MED14: variants seen among roughly 807,000 people sequenced by gnomAD.
The protein encoded by MED14 is mediator complex subunit 14, also known as mediator of RNA polymerase II transcription subunit 14.
MED14 carries 8 observed loss-of-function variants against 109.0 expected under a neutral mutation model. The observed-to-expected ratio is 0.07, with a 90% CI of 0.04 to 0.13. MED14 has a LOEUF of 0.13. Among genes scored for constraint, MED14 ranks in the 10% least tolerant of loss-of-function variants. The pLI is 1.00. For synonymous variants in MED14, 399 were observed against 408.7 expected (o/e 0.98, Z 0.29); for missense variants, 711 against 1,142.4 (o/e 0.62, Z 5.44).
intron 16 of MED14, 62 bp from the exon 17 acceptor site, chrX:40,683,058 G>GAC: frequency 1.0e-6 from 1 of 977,462 alleles, no homozygotes. Flanking sequence ...TGTACACAAT[G>GAC]ACAGACAAGG....
chrX:40,696,428 C>T (rs764589397), intron 13 of MED14, among the ~76,000 whole-genome samples: 1 of 110,728 alleles, frequency 9.0e-6, no homozygotes, highest in African/African-American at 3.3e-5. Context: ...TGTGAGCCAC[C>T]GTGCCTGGCC....
At position 40,726,797 on chromosome X, in the gene MED14, T is replaced by C; in HGVS notation, c.297A>G (p.Leu99=). Residue 99 remains leucine (L), a synonymous_variant, in exon 3 of 31, where the codon TTA becomes TTG. Coordinates refer to ENST00000324817, the MANE Select transcript of MED14 (RefSeq NM_004229.4). ...TATTAGCCCATTTCACTAAAGCTAA[T>C]AATCGAACGAAGAGTTGGCGTGTCC... is the stretch of plus-strand genomic sequence containing the variant. ...ASRTRQLFVR[L]LALVKWANNA... The C allele has an allele frequency of 8.3e-7, 1 of 1,209,623 alleles. No individual in the cohort carries two copies. The highest frequency in any genetic ancestry group is 1.1e-6 in the Non-Finnish European group (1 of 894,528).
chrX:40,734,077 ATT>A (rs1052380022), intron 1 of MED14, among the ~76,000 whole-genome samples: 1 of 111,645 alleles, frequency 9.0e-6, no homozygotes, highest in African/African-American at 3.3e-5. Context: ...AGTTTTCAAC[ATT>A]TTTTTTCCCA....
At chrX:40,694,742 T>C (rs149334982) in intron 13 of MED14, among the ~76,000 whole-genome samples, 13 of 112,316 alleles carry the variant, frequency 1.2e-4, no homozygotes, top group African/African-American at 3.9e-4. Flanking sequence ...CTCTCATATA[T>C]TGCTGGCTGG....
At chrX:40,660,160 TAG>T (rs1929210758) in intron 26 of MED14, among the ~76,000 whole-genome samples, 1 of 111,972 alleles carries the variant, frequency 8.9e-6, no homozygotes, top group Non-Finnish European at 1.9e-5. Flanking sequence ...CTATACTTTT[TAG>T]AGACATATGC....
intron 21 of MED14, among the ~76,000 whole-genome samples, chrX:40,675,946 C>T (rs1246883268): frequency 2.7e-5 from 3 of 111,923 alleles, no homozygotes; most frequent in Non-Finnish European, 5.6e-5. Context: ...CCCCAGTATT[C>T]GAATATACAC....
chrX:40,688,674 C>G (rs977242788), intron 15 of MED14, 144 bp from the exon 16 acceptor site: 2 of 399,302 alleles, frequency 5.0e-6, no homozygotes, highest in Admixed American at 8.1e-5. Flanking sequence ...TGAGTATTAT[C>G]CCCATCATTA....
chrX:40,736,143 G>A (rs1380603770), upstream of MED14, among the ~76,000 whole-genome samples: 1 of 111,740 alleles, frequency 8.9e-6, no homozygotes, highest in Non-Finnish European at 1.9e-5. Context: ...GCGCGCTTGT[G>A]ATTCTCAGGC....
Position 40,654,996 on chromosome X carries a change from G to A in MED14, c.4037C>T (p.Ala1346Val), listed in dbSNP as rs1929005193. 1.7e-6 allele frequency: 2 copies of A among 1,208,803 alleles called. No homozygotes were observed. The highest frequency in any genetic ancestry group is 1.8e-5 in the African/African-American group (1 of 57,069). Residue 1346 changes from alanine to valine, a missense_variant, in exon 29 of 31, where the codon GCG becomes GTG. Physicochemically the swap from Ala to Val is moderately conservative, Grantham distance 64. Coordinates refer to ENST00000324817, the MANE Select transcript of MED14 (RefSeq NM_004229.4). Reference protein sequence around the residue: ...VQFCLTIPPSAPPIAPPGTPA... With the variant: ...VQFCLTIPPSVPPIAPPGTPA... ...CGTCCCAGGAGGTGCAATCGGCGGC[G>A]CGCTGGGAGGGATCGTCAGGCAAAA...
chrX:40,712,920 T>C lies in MED14; in HGVS notation c.775A>G (p.Thr259Ala), dbSNP rs1484671226. The C allele has an allele frequency of 1.0e-5, 12 of 1,169,428 alleles. No individual in the cohort carries two copies. Among genetic ancestry groups the C allele is most frequent in the Non-Finnish European group, 1.3e-5 (11 of 868,997 alleles). Residue 259 changes from threonine (T) to alanine (A), a missense_variant, in exon 6 of 31, where the codon ACA becomes GCA. By Grantham distance (58) the Thr-to-Ala change is moderately conservative. Transcript: ENST00000324817. ...KLEILVEDKETGDGRALVHSM... is the reference protein window; with the variant it reads ...KLEILVEDKEAGDGRALVHSM... ...ATCACTACTTATGATTTACCTCCTG[T>C]TTCCTTATCCTCAACTAGAATTTCT...
chrX:40,708,061 T>C (rs1931216208), intron 10 of MED14, among the ~76,000 whole-genome samples: 1 of 110,820 alleles, frequency 9.0e-6, no homozygotes, highest in Non-Finnish European at 1.9e-5. Context: ...GAGGGCCTTC[T>C]ACTGAAGCTT....
chrX:40,681,842 TC>T lies in MED14; in HGVS notation c.2457+9del. 1.0e-6 allele frequency: 1 copy of T among 995,780 alleles called. No individual in the cohort carries two copies. The highest frequency in any genetic ancestry group is 1.4e-6 in the Non-Finnish European group (1 of 733,389). 82.1% of individuals were successfully genotyped at this position (995,780 alleles called of 1,213,427 possible). Reference sequence around the variant, plus strand: ...TAAGACAGGAACTTCAGCATTTTAATCAGACTTACTGAGCTTCCCTTGGTGG... The same window carrying T: ...TAAGACAGGAACTTCAGCATTTTAATAGACTTACTGAGCTTCCCTTGGTGG... On this transcript the variant is annotated intron_variant, in intron 19 of 30. Coordinates refer to ENST00000324817, the MANE Select transcript of MED14 (RefSeq NM_004229.4).
chrX:40,668,407 CAA>C (rs1301154358), intron 23 of MED14, among the ~76,000 whole-genome samples: 1 of 77,616 alleles, frequency 1.3e-5, no homozygotes. Context: ...AAAAAAAAAT[CAA>C]AGAAAAAAGA....
At chrX:40,676,449 A>C (rs1929912574) in intron 21 of MED14, among the ~76,000 whole-genome samples, 2 of 112,354 alleles carry the variant, frequency 1.8e-5, no homozygotes, top group East Asian at 2.8e-4. Context: ...GGAGGCTGCA[A>C]AGCAGATGGC....
In MED14 at chrX:40,698,662, A is replaced by G. The variant is rs151158626; in HGVS notation, c.1491-1479T>C. ...TAAAAAAGTAATCACATGAACAAAT[A>G]GATGCTCAACATCATTATTTGTTGG... On this transcript the variant is annotated intron_variant, in intron 12 of 30. Transcript: ENST00000324817. Among the ~76,000 whole-genome samples the G allele has an allele frequency of 4.9e-3, 553 of 112,352 alleles. 3 individuals are homozygous for G. Among genetic ancestry groups the G allele is most frequent in the African/African-American group, 0.017 (529 of 31,023 alleles).
chrX:40,719,535 A>G lies in MED14; in HGVS notation c.349-4825T>C, dbSNP rs189966201. Reference sequence around the variant, plus strand: ...ATACTACACTAAAAAAAAAAATGCTAAGTTAAAGAAGCCAATCACAACACA... The same window carrying G: ...ATACTACACTAAAAAAAAAAATGCTGAGTTAAAGAAGCCAATCACAACACA... On this transcript the variant is annotated intron_variant, in intron 3 of 30. Transcript: ENST00000324817. 5.4e-5 allele frequency among the ~76,000 whole-genome samples: 6 copies of G among 112,102 alleles called. No individual in the cohort carries two copies. The East Asian group carries it at 1.7e-3, about 31-fold the overall frequency.
In MED14 at chrX:40,713,785, A is replaced by C. The variant is rs372882061; in HGVS notation, c.645T>G (p.Leu215=). 5.0e-6 allele frequency: 6 copies of C among 1,210,644 alleles called. No individual in the cohort carries two copies. Among genetic ancestry groups the C allele is most frequent in the Non-Finnish European group, 6.7e-6 (6 of 895,004 alleles). Residue 215 remains leucine (L), a synonymous_variant, in exon 5 of 31, where the codon CTT becomes CTG. Transcript: ENST00000324817. ...TAAATTTCAGATACATACCAACTGT[A>C]AGATTTGCTAACTGAGGAGGAAGAT... ...TTDLPPQLAN[L]TVANGRVKFR...
intron 28 of MED14, among the ~76,000 whole-genome samples, chrX:40,658,856 G>A (rs1213258533): frequency 9.0e-6 from 1 of 110,901 alleles, no homozygotes; most frequent in African/African-American, 3.3e-5. Flanking sequence ...GAGTGAGACC[G>A]TGTCTCAATC....
intron 13 of MED14, among the ~76,000 whole-genome samples, chrX:40,694,086 G>A (rs1930637934): frequency 9.0e-6 from 1 of 111,004 alleles, no homozygotes; most frequent in East Asian, 2.8e-4. Context: ...TTTATTAGAG[G>A]TGGGGTTTTG....
Sources: allele counts gnomAD v4.1 joint callset (sites outside exome capture counted in the v4.1 genomes callset), GRCh38; gene constraint gnomAD v4.1.1; transcripts MANE v1.5; gene names NCBI Gene and HGNC (gene_info 2026-07-23, HGNC 2026-07-21).